Variants in HBS1L observed in about 807,000 individuals in gnomAD.
HBS1L encodes HBS1-like protein.
Under a neutral mutation model 88.9 loss-of-function variants are expected in HBS1L, and 55 were observed. The ratio of observed to expected loss-of-function variants is 0.62; its 90% CI spans 0.50 to 0.77. The LOEUF is 0.77. HBS1L is among the 30% of genes least tolerant of loss of function. The pLI is 0.00. For synonymous variants in HBS1L, 267 were observed against 288.5 expected, an observed-to-expected ratio of 0.93 and a Z score of 0.76; for missense variants, 741 against 829.3, an observed-to-expected ratio of 0.89 and a Z score of 1.31.
chr6:134,999,766 G>A (rs2114809912), intron 5 of HBS1L, among the ~76,000 whole-genome samples: 1 of 151,998 alleles, frequency 6.6e-6, no homozygotes, highest in South Asian at 2.1e-4. Context: ...GTAAATCTTA[G>A]GTAAACTGTA....
chr6:135,000,372 C>T (rs1775417097), intron 5 of HBS1L, among the ~76,000 whole-genome samples: 1 of 151,454 alleles, frequency 6.6e-6, no homozygotes. Flanking sequence ...GTACACTTAC[C>T]TAATATTATA....
intron 4 of HBS1L, among the ~76,000 whole-genome samples, chr6:135,033,207 CAAAT>C (rs1331173414): frequency 6.6e-6 from 1 of 152,036 alleles, no homozygotes; most frequent in Non-Finnish European, 1.5e-5. Flanking sequence ...GATCATAATG[CAAAT>C]AAAAACAGCT....
chr6:135,009,427 A>G (rs1225389705), intron 4 of HBS1L, among the ~76,000 whole-genome samples: 1 of 152,176 alleles, frequency 6.6e-6, no homozygotes. Flanking sequence ...GAAAAGTAAT[A>G]AAGAGGAGGC....
intron 8 of HBS1L, among the ~76,000 whole-genome samples, chr6:134,989,165 T>C (rs1775062950): frequency 1.3e-5 from 2 of 152,236 alleles, no homozygotes; most frequent in African/African-American, 4.8e-5. Flanking sequence ...TTTTAAAATG[T>C]GCAATAGACA....
intron 4 of HBS1L, among the ~76,000 whole-genome samples, chr6:135,027,832 A>G (rs1776277981): frequency 6.6e-6 from 1 of 151,842 alleles, no homozygotes; most frequent in Non-Finnish European, 1.5e-5. Flanking sequence ...CATTAGCACA[A>G]TCTTGGCTCA....
rs1774218209 is a variant in HBS1L, at chr6:134,962,967, G to A, written c.*2312C>T. ...AACCACAATCAATCATCAATAAAATGCAAATAAAAAGATTGTACTTAAACA... is the reference window on the plus strand; with the variant it reads ...AACCACAATCAATCATCAATAAAATACAAATAAAAAGATTGTACTTAAACA... On this transcript the variant is annotated 3_prime_UTR_variant, in exon 18 of 18. Transcript: ENST00000367837. 1 of 152,150 alleles carries A rather than the reference G, an allele frequency of 6.6e-6. No homozygotes were observed. The highest frequency in any genetic ancestry group is 2.4e-5 in the African/African-American group (1 of 41,442). The allele number at this position is 152,150 out of a possible 1,614,324, so 9.4% of individuals were successfully genotyped here.
At chr6:135,034,787 T>C (rs1199196985) in intron 4 of HBS1L, among the ~76,000 whole-genome samples, 1 of 152,242 alleles carries the variant, frequency 6.6e-6, no homozygotes, top group Non-Finnish European at 1.5e-5. Context: ...CTAGAAATTA[T>C]TCATTCAAGT....
chr6:135,013,094 T>C (rs1185859984), intron 4 of HBS1L, among the ~76,000 whole-genome samples: 1 of 152,222 alleles, frequency 6.6e-6, no homozygotes, highest in Admixed American at 6.5e-5. Flanking sequence ...CAACCTGAGT[T>C]TGAAGCCAGG....
intron 4 of HBS1L, among the ~76,000 whole-genome samples, chr6:135,030,950 C>T (rs1590975): frequency 0.53 from 79,714 of 151,818 alleles, 21,186 homozygotes; most frequent in South Asian, 0.57. Flanking sequence ...CAGAAGGTGA[C>T]GTCGGCCTTT....
At chr6:134,986,221 T>A in intron 10 of HBS1L, 38 bp from the exon 11 acceptor site, 1 of 1,033,722 alleles carries the variant, frequency 9.7e-7, no homozygotes, top group Non-Finnish European at 1.5e-6. Flanking sequence ...TAATACAACA[T>A]TTTTTAAAAC....
chr6:134,983,064 G>A (rs933024769), intron 12 of HBS1L: 2 of 152,316 alleles, frequency 1.3e-5, no homozygotes, highest in Admixed American at 6.6e-5. Context: ...TGCATGAGTA[G>A]GGAGAAAAAG....
intron 15 of HBS1L, among the ~76,000 whole-genome samples, chr6:134,971,505 T>A (rs893275096): frequency 1.3e-5 from 2 of 152,190 alleles, no homozygotes; most frequent in Non-Finnish European, 1.5e-5. Flanking sequence ...GTGAGCTATG[T>A]GTGAGCTATG....
At chr6:134,965,437 T>G (rs1339320309) in intron 17 of HBS1L, 147 bp from the exon 18 acceptor site, 1 of 613,324 alleles carries the variant, frequency 1.6e-6, no homozygotes, top group Non-Finnish European at 2.8e-6. Context: ...TTCCTAGTCA[T>G]GCCATTTCTG....
intron 15 of HBS1L, among the ~76,000 whole-genome samples, chr6:134,973,623 C>G (rs1405077889): frequency 6.6e-6 from 1 of 152,184 alleles, no homozygotes; most frequent in African/African-American, 2.4e-5. Flanking sequence ...CAAGACCAGC[C>G]TGGCCAACAT....
rs921525426 is a variant in HBS1L, at chr6:134,964,125, G to A, written c.*1154C>T. On this transcript the variant is annotated 3_prime_UTR_variant, in exon 18 of 18. Coordinates refer to ENST00000367837, the MANE Select transcript of HBS1L (RefSeq NM_006620.4). ...TTCAAAATGTCAGGTTCACGAAAAG[G>A]TGCAGGGAGAAGAAATGCTGTTGTA... 1 of 152,002 alleles carries A rather than the reference G, an allele frequency of 6.6e-6. No individual in the cohort carries two copies. Among genetic ancestry groups the A allele is most frequent in the Admixed American group, 6.6e-5 (1 of 15,234 alleles). The allele number at this position is 152,002 out of a possible 1,614,324, so 9.4% of individuals were successfully genotyped here.
rs576063701 is a variant in HBS1L, at chr6:134,982,680, A to G, written c.1493-118T>C. 5.0e-4 allele frequency: 243 copies of G among 490,362 alleles called. 2 individuals are homozygous for G. The South Asian group carries it at 0.011, about 21-fold the overall frequency. 30.4% of individuals were successfully genotyped at this position (490,362 alleles called of 1,614,324 possible). On this transcript the variant is annotated intron_variant, in intron 12 of 17. Transcript: ENST00000367837. Reference sequence around the variant, plus strand: ...AAACTAGTAGTTCAATGGACATTAAATAATAATCATTTCAGAATTAACATC... The same window carrying G: ...AAACTAGTAGTTCAATGGACATTAAGTAATAATCATTTCAGAATTAACATC...
Position 135,000,077 on chromosome 6 carries a change from T to A in HBS1L, c.540-2421A>T, listed in dbSNP as rs557101948. Among the ~76,000 whole-genome samples, 9 of 151,878 alleles carry A rather than the reference T, an allele frequency of 5.9e-5. No homozygotes were observed. The East Asian group carries it at 1.7e-3, about 29-fold the overall frequency. ...CTTTCTTTCTTTCTGTTTTTTGAGA[T>A]GGTCTCGCTCTCGCTGTGTTGCCCA... On this transcript the variant is annotated intron_variant, in intron 5 of 17. Transcript: ENST00000367837.
rs1234509598 is a variant in HBS1L at position 135,039,583 on chromosome 6, C to G, written c.420G>C (p.Lys140Asn). Residue 140 changes from lysine to asparagine, a missense_variant, in exon 4 of 18, where the codon AAG becomes AAC. Physicochemically the swap from Lys to Asn is moderately conservative, Grantham distance 94. Around this residue, in one of 3 missense-constraint regions of HBS1L, gnomAD observed 556 missense variants for 598.4 expected, o/e 0.93. Coordinates refer to ENST00000367837, the MANE Select transcript of HBS1L (RefSeq NM_006620.4). ...DKNEATVSTG[K>N]IAKGKPVDSQ... ...CAAGTAAAGGCATACCTTTTGCTATCTTTCCTGTAGATACTGTTGCCTCAT... is the reference window on the plus strand; with the variant it reads ...CAAGTAAAGGCATACCTTTTGCTATGTTTCCTGTAGATACTGTTGCCTCAT... 1.2e-6 allele frequency: 2 copies of G among 1,613,266 alleles called. No homozygotes were observed. Among genetic ancestry groups the G allele is most frequent in the African/African-American group, 2.7e-5 (2 of 74,906 alleles).
rs369965733 is a variant in HBS1L, at chr6:134,986,861, T to G, written c.1231-51A>C. On this transcript the variant is annotated intron_variant, in intron 9 of 17. Coordinates refer to ENST00000367837, the MANE Select transcript of HBS1L (RefSeq NM_006620.4). Reference sequence around the variant, plus strand: ...AAACTATCCTTCAGAACATGATACATAAAATTTAAATTTCTGCAATGAAAT... The same window carrying G: ...AAACTATCCTTCAGAACATGATACAGAAAATTTAAATTTCTGCAATGAAAT... 1.0e-3 allele frequency: 883 copies of G among 872,922 alleles called. 4 individuals carry two copies. Among genetic ancestry groups the G allele is most frequent in the East Asian group, 1.6e-3 (57 of 34,714 alleles). The allele number at this position is 872,922 out of a possible 1,614,324, so 54.1% of individuals were successfully genotyped here.
Sources: gnomAD v4.1 joint callset for allele counts (sites outside exome capture counted in the v4.1 genomes callset) on GRCh38, gnomAD v4.1.1 for gene constraint, gnomAD v4.1.1 regional missense constraint, MANE v1.5 for transcripts, NCBI Gene and HGNC (gene_info 2026-07-23, HGNC 2026-07-21) for gene names.